The following NRG1 variants were observed in gnomAD, a reference collection of about 807,000 sequenced individuals.
NRG1 encodes neuregulin 1.
In NRG1, 18 loss-of-function variants were observed where a neutral mutation model predicts 63.8. That is an observed-to-expected ratio of 0.28 (90% CI 0.19 to 0.42). NRG1 has a LOEUF of 0.42. Ranked by LOEUF, NRG1 falls within the 10% of genes least tolerant of loss-of-function variation. The pLI, the probability that NRG1 is intolerant of heterozygous loss-of-function variation, is 1.00. For synonymous variants in NRG1, 302 were observed against 301.3 expected (o/e 1.00, Z -0.02); for missense variants, 762 against 814.7 (o/e 0.94, Z 0.79).
chr8:31,828,891 A>T (rs1307210686), intron 1 of NRG1, among the ~76,000 whole-genome samples: 2 of 152,224 alleles, frequency 1.3e-5, no homozygotes, highest in Admixed American at 6.5e-5. Flanking sequence ...GTACTTACAC[A>T]CTTATTATTC....
intron 1 of NRG1, among the ~76,000 whole-genome samples, chr8:32,132,868 G>A (rs1835023016): frequency 6.6e-6 from 1 of 151,970 alleles, no homozygotes; most frequent in South Asian, 2.1e-4. Flanking sequence ...TGCAGCTAAG[G>A]AAGTTTTACA....
chr8:32,024,544 T>G (rs1340595494), intron 1 of NRG1, among the ~76,000 whole-genome samples: 1 of 152,190 alleles, frequency 6.6e-6, no homozygotes, highest in Non-Finnish European at 1.5e-5. Flanking sequence ...GGAAATAGCC[T>G]TTGGAGCCAA....
At chr8:32,109,958 A>T (rs993958800) in intron 1 of NRG1, among the ~76,000 whole-genome samples, 9 of 152,148 alleles carry the variant, frequency 5.9e-5, no homozygotes, top group Non-Finnish European at 1.3e-4. Flanking sequence ...ACTTTAGGCA[A>T]ATTCAACTTC....
intron 1 of NRG1, among the ~76,000 whole-genome samples, chr8:32,476,935 G>A (rs1032712507): frequency 6.6e-6 from 1 of 152,116 alleles, no homozygotes; most frequent in Admixed American, 6.5e-5. Flanking sequence ...GAAACACTAA[G>A]TTCTTATGTA....
intron 5 of NRG1, among the ~76,000 whole-genome samples, chr8:32,663,724 C>T (rs1018940889): frequency 2.0e-5 from 3 of 152,162 alleles, no homozygotes; most frequent in African/African-American, 4.8e-5. Flanking sequence ...CAGTCTACTT[C>T]ATTTTTCTCA....
In NRG1 at chr8:31,868,146, TTACACACACACACACA is replaced by T. The variant is rs1294685945; in HGVS notation, c.37+228716_37+228731del. ...AAACACACACACACACACATACATC[TTACACACACACACACA>T]CACACACACACACACACACACACAC... On this transcript the variant is annotated intron_variant, in intron 1 of 10. Transcript: ENST00000519301. Among the ~76,000 whole-genome samples the T allele has an allele frequency of 1.2e-3, 136 of 115,878 alleles. 3 individuals carry two copies. The highest frequency in any genetic ancestry group is 3.6e-3 in the African/African-American group (125 of 34,640). The allele number at this position is 115,878 out of a possible 152,430, so 76.0% of individuals were successfully genotyped here. A position where few individuals can be genotyped will look rare whatever the true frequency, so the allele number is the denominator to read the frequency against.
intron 1 of NRG1, among the ~76,000 whole-genome samples, chr8:32,495,190 G>A (rs149016730): frequency 9.1e-4 from 139 of 152,238 alleles, no homozygotes; most frequent in Middle Eastern, 6.8e-3. Context: ...CCCATAATTC[G>A]CACGTCATGG....
intron 1 of NRG1, chr8:31,639,808 C>T (rs1005041889): frequency 1.0e-5 from 13 of 1,244,140 alleles, no homozygotes; most frequent in African/African-American, 9.6e-5. Context: ...CACTTCTTCC[C>T]CCTCCTCCTC....
chr8:31,914,010 T>G (rs969105843), intron 1 of NRG1, among the ~76,000 whole-genome samples: 3 of 152,098 alleles, frequency 2.0e-5, no homozygotes, highest in African/African-American at 7.2e-5. Flanking sequence ...AACCCACTAA[T>G]TGGAAGTCTG....
Position 32,454,850 on chromosome 8 carries a change from T to C in NRG1, c.38-140978T>C, listed in dbSNP as rs577672858. ...CTGACTCACCCAGAGCAATGTCTAG[T>C]CCTGCAAGCTCCATTCATGGGAAAG... On this transcript the variant is annotated intron_variant, in intron 1 of 10. Transcript: ENST00000519301. Among the ~76,000 whole-genome samples, 5 of 152,332 alleles carry C rather than the reference T, an allele frequency of 3.3e-5. No homozygotes were observed. In the South Asian group the frequency reaches 1.0e-3, roughly 32 times the overall value.
chr8:31,861,484 C>CAAGGAG (rs1000127371), intron 1 of NRG1, among the ~76,000 whole-genome samples: 6 of 151,930 alleles, frequency 3.9e-5, no homozygotes, highest in South Asian at 2.1e-4. Flanking sequence ...TGAAGAGGAA[C>CAAGGAG]AAGGAGAAGG....
intron 1 of NRG1, among the ~76,000 whole-genome samples, chr8:32,569,384 G>A (rs1327126939): frequency 4.6e-5 from 7 of 152,108 alleles, no homozygotes; most frequent in Admixed American, 2.6e-4. Context: ...TGTGCTGTGC[G>A]TACTGTGTGT....
At chr8:32,574,509 G>T (rs541305319) in intron 1 of NRG1, among the ~76,000 whole-genome samples, 5 of 152,208 alleles carry the variant, frequency 3.3e-5, no homozygotes, top group African/African-American at 4.8e-5. Context: ...GATCATGGGG[G>T]TGGATTTCTC....
chr8:32,229,425 G>T (rs1258675482), intron 1 of NRG1, among the ~76,000 whole-genome samples: 1 of 152,098 alleles, frequency 6.6e-6, no homozygotes, highest in Non-Finnish European at 1.5e-5. Flanking sequence ...ATCACTAGGG[G>T]GCCGGAGTAG....
At chr8:31,790,826 G>A (rs1820626077) in intron 1 of NRG1, among the ~76,000 whole-genome samples, 1 of 152,184 alleles carries the variant, frequency 6.6e-6, no homozygotes, top group African/African-American at 2.4e-5. Flanking sequence ...CCAGAGACAT[G>A]AGACACCTTG....
intron 1 of NRG1, among the ~76,000 whole-genome samples, chr8:31,871,960 C>T (rs1829526132): frequency 1.3e-5 from 2 of 152,036 alleles, no homozygotes; most frequent in Admixed American, 1.3e-4. Flanking sequence ...TTTTGTGAAG[C>T]ATTACCTAGG....
chr8:32,579,962 C>T (rs1840350757), intron 1 of NRG1, among the ~76,000 whole-genome samples: 1 of 152,146 alleles, frequency 6.6e-6, no homozygotes, highest in Non-Finnish European at 1.5e-5. Context: ...CATGACATCT[C>T]TGAGTATTCC....
At chr8:32,582,204 C>T (rs918545148) in intron 1 of NRG1, among the ~76,000 whole-genome samples, 1 of 151,558 alleles carries the variant, frequency 6.6e-6, no homozygotes, top group Non-Finnish European at 1.5e-5. Context: ...CTCAAGTGCT[C>T]TGCCCATCTC....
At chr8:32,357,160 C>G (rs912901683) in intron 1 of NRG1, among the ~76,000 whole-genome samples, 2 of 152,164 alleles carry the variant, frequency 1.3e-5, no homozygotes, top group African/African-American at 4.8e-5. Context: ...AGCCCCCATA[C>G]AGACCTTCTG....
Sources: allele counts gnomAD v4.1 joint callset (sites outside exome capture counted in the v4.1 genomes callset), GRCh38; gene constraint gnomAD v4.1.1; transcripts MANE v1.5; gene names NCBI Gene and HGNC (gene_info 2026-07-23, HGNC 2026-07-21).